Variants in PDE10A observed in about 807,000 individuals in gnomAD.
The protein encoded by PDE10A is phosphodiesterase 10A.
Under a neutral mutation model 97.7 loss-of-function variants are expected in PDE10A, and 39 were observed. The observed-to-expected ratio is 0.40, with a 90% CI of 0.31 to 0.52. PDE10A has a LOEUF of 0.52. Ranked by LOEUF, PDE10A falls within the 20% of genes least tolerant of loss-of-function variation. The pLI is 0.56. For missense variants in PDE10A, 731 were observed against 1,047.8 expected (o/e 0.70, Z 4.17); for synonymous variants, 371 against 376.8 (o/e 0.98, Z 0.18).
upstream of PDE10A, among the ~76,000 whole-genome samples, chr6:165,663,736 C>G (rs1790414042): frequency 6.6e-6 from 1 of 152,208 alleles, no homozygotes; most frequent in Admixed American, 6.5e-5. Context: ...CCCAGTTTGC[C>G]TTGGTTGGGG....
intron 5 of PDE10A, among the ~76,000 whole-genome samples, chr6:165,442,975 G>A (rs531979781): frequency 2.0e-5 from 3 of 151,876 alleles, no homozygotes; most frequent in Non-Finnish European, 4.4e-5. Context: ...AGTCGAACAT[G>A]GTGATATGTA....
At chr6:165,794,321 C>T (rs546139983) in intron 1 of PDE10A, among the ~76,000 whole-genome samples, 13 of 151,698 alleles carry the variant, frequency 8.6e-5, no homozygotes, top group African/African-American at 2.9e-4. Flanking sequence ...CACACATACT[C>T]ATCACACACT....
intron 1 of PDE10A, among the ~76,000 whole-genome samples, chr6:165,637,809 T>C (rs953150956): frequency 6.6e-6 from 1 of 152,160 alleles, no homozygotes; most frequent in Non-Finnish European, 1.5e-5. Context: ...GAATTCTCTG[T>C]GGAATGATAT....
At chr6:165,409,978 T>C (rs1787612050) in intron 13 of PDE10A, among the ~76,000 whole-genome samples, 1 of 150,476 alleles carries the variant, frequency 6.6e-6, no homozygotes, top group South Asian at 2.1e-4. Flanking sequence ...CATTTGAACC[T>C]GCTAGTCTAG....
At chr6:165,432,416 GTGGCTGGAGC>G (rs1789648176) in intron 7 of PDE10A, among the ~76,000 whole-genome samples, 2 of 152,204 alleles carry the variant, frequency 1.3e-5, no homozygotes, top group Non-Finnish European at 2.9e-5. Context: ...AGGATCCAGC[GTGGCTGGAGC>G]GAGTGAGGGA....
chr6:165,705,302 G>A (rs1021058937), intron 1 of PDE10A, among the ~76,000 whole-genome samples: 1 of 152,228 alleles, frequency 6.6e-6, no homozygotes, highest in Non-Finnish European at 1.5e-5. Context: ...TTCCAGCGTG[G>A]CCTTCATGCC....
At chr6:165,903,551 T>C (rs915960090) in intron 1 of PDE10A, among the ~76,000 whole-genome samples, 42 of 152,200 alleles carry the variant, frequency 2.8e-4, no homozygotes, top group South Asian at 2.1e-4. Flanking sequence ...ATTTCTCCTT[T>C]AGACATGTTG....
At chr6:165,794,237 A>G (rs1778754950) in intron 1 of PDE10A, among the ~76,000 whole-genome samples, 2 of 150,450 alleles carry the variant, frequency 1.3e-5, no homozygotes, top group South Asian at 4.2e-4. Flanking sequence ...ACTCCCTCCC[A>G]CACGCACACC....
chr6:165,576,778 C>T (rs1785328735), intron 1 of PDE10A, among the ~76,000 whole-genome samples: 1 of 152,208 alleles, frequency 6.6e-6, no homozygotes, highest in South Asian at 2.1e-4. Flanking sequence ...TCAACAGTAC[C>T]TTCACAGTGT....
At chr6:165,865,385 T>A (rs1054594654) in intron 1 of PDE10A, among the ~76,000 whole-genome samples, 1 of 151,722 alleles carries the variant, frequency 6.6e-6, no homozygotes, top group African/African-American at 2.4e-5. Flanking sequence ...ATGAGAAACA[T>A]GAAAAGCAAG....
At chr6:165,507,166 T>G (rs552707186) in intron 2 of PDE10A, among the ~76,000 whole-genome samples, 1 of 152,162 alleles carries the variant, frequency 6.6e-6, no homozygotes, top group Admixed American at 6.6e-5. Flanking sequence ...TCTCAACATG[T>G]TTGGTTAGGG....
At chr6:165,939,578 G>A (rs1046754937) in intron 1 of PDE10A, 9 of 152,156 alleles carry the variant, frequency 5.9e-5, no homozygotes, top group Admixed American at 3.3e-4. Context: ...TGGTGTACTT[G>A]TCACCCTGCT....
In PDE10A at chr6:165,418,236, T is replaced by C. The variant is rs1788458357; in HGVS notation, c.1796+399A>G. Reference sequence around the variant, plus strand: ...TACCAGATCAATTTCTACTACTGTCTGGACTGCGAGACAGGCCACCGGTTG... The same window carrying C: ...TACCAGATCAATTTCTACTACTGTCCGGACTGCGAGACAGGCCACCGGTTG... On this transcript the variant is annotated intron_variant, in intron 11 of 21. Transcript: ENST00000539869. This position sits in a 1 kb window ranked among gnomAD's most constrained non-coding sequence, Gnocchi z 4.8. Among the ~76,000 whole-genome samples, 1 of 152,218 alleles carries C rather than the reference T, an allele frequency of 6.6e-6. No individual in the cohort carries two copies. Among genetic ancestry groups the C allele is most frequent in the South Asian group, 2.1e-4 (1 of 4,832 alleles).
At chr6:165,632,230 A>G (rs1281157129) in intron 1 of PDE10A, among the ~76,000 whole-genome samples, 1 of 145,876 alleles carries the variant, frequency 6.9e-6, no homozygotes, top group African/African-American at 2.5e-5. Context: ...AAAGATACTG[A>G]GTCTGAGATT....
chr6:165,435,687 T>C (rs1202611451), intron 5 of PDE10A, among the ~76,000 whole-genome samples: 1 of 152,154 alleles, frequency 6.6e-6, no homozygotes, highest in Non-Finnish European at 1.5e-5. Flanking sequence ...CATCCTGTCA[T>C]TGGGATCAAG....
At chr6:165,779,809 T>C (rs1470103521) in intron 1 of PDE10A, among the ~76,000 whole-genome samples, 1 of 152,146 alleles carries the variant, frequency 6.6e-6, no homozygotes, top group Non-Finnish European at 1.5e-5. Flanking sequence ...TCCCTGACTC[T>C]TCTTCCCACG....
In PDE10A at chr6:165,433,102, G is replaced by A. The variant is rs1789715669; in HGVS notation, c.1363C>T (p.Leu455=). 6.2e-7 allele frequency: 1 copy of A among 1,610,736 alleles called. No homozygotes were observed. Among genetic ancestry groups the A allele is most frequent in the South Asian group, 1.1e-5 (1 of 90,074 alleles). The change falls in exon 7 of 22, where the codon CTG becomes TTG. Residue 455 remains leucine, a synonymous_variant. Transcript: ENST00000539869. The part of the protein sequence containing the change: ...GDERFPRGTG[L]ESGTRIQSVL... ...GACTGGATACGAGTCCCTGATTCCA[G>A]TCCAGTACCTCTTGGAAATCGTTCA... is the stretch of plus-strand genomic sequence containing the variant.
At chr6:165,932,018 C>A (rs1467430099) in intron 1 of PDE10A, among the ~76,000 whole-genome samples, 1 of 152,122 alleles carries the variant, frequency 6.6e-6, no homozygotes, top group Non-Finnish European at 1.5e-5. Context: ...CACAGCACAG[C>A]CTTGGCAAGT....
intron 1 of PDE10A, among the ~76,000 whole-genome samples, chr6:165,765,729 T>A (rs1025506316): frequency 2.6e-5 from 4 of 151,920 alleles, no homozygotes; most frequent in Non-Finnish European, 5.9e-5. Context: ...AGAAAGGGGC[T>A]CCCACAGTGC....
Sources: allele counts gnomAD v4.1 joint callset (sites outside exome capture counted in the v4.1 genomes callset), GRCh38; gene constraint gnomAD v4.1.1; non-coding constraint Gnocchi (gnomAD v3.1); transcripts MANE v1.5; gene names NCBI Gene and HGNC (gene_info 2026-07-23, HGNC 2026-07-21).